DAB2IP: variants seen among roughly 807,000 people sequenced by gnomAD.
DAB2IP encodes the protein DAB2 interacting protein.
DAB2IP carries 28 observed loss-of-function variants against 107.2 expected under a neutral mutation model. The ratio of observed to expected loss-of-function variants is 0.26; its 90% CI spans 0.19 to 0.36. The LOEUF (loss-of-function observed/expected upper bound fraction) is 0.36, where lower values mean the gene tolerates loss of function less well. DAB2IP is among the 10% of genes least tolerant of loss of function. The pLI is 1.00. For missense variants in DAB2IP, 1,400 were observed against 1,644.7 expected, an observed-to-expected ratio of 0.85 and a Z score of 2.57; for synonymous variants, 755 against 706.4, an observed-to-expected ratio of 1.07 and a Z score of -1.09.
intron 1 of DAB2IP, among the ~76,000 whole-genome samples, chr9:121,644,180 A>G (rs914424711): frequency 4.2e-5 from 6 of 144,268 alleles, no homozygotes; most frequent in Admixed American, 1.4e-4. Flanking sequence ...AAAAAAGAAG[A>G]AGAAGAGGAG....
intron 1 of DAB2IP, among the ~76,000 whole-genome samples, chr9:121,661,905 A>C (rs1833222483): frequency 6.6e-6 from 1 of 152,014 alleles, no homozygotes; most frequent in African/African-American, 2.4e-5. Flanking sequence ...TGCCTGGGCC[A>C]AGGACTTCCA....
intron 1 of DAB2IP, among the ~76,000 whole-genome samples, chr9:121,657,049 T>C (rs1832999100): frequency 6.6e-6 from 1 of 152,220 alleles, no homozygotes; most frequent in Non-Finnish European, 1.5e-5. Flanking sequence ...AGTGGCCCCG[T>C]TGGCATCTGG....
chr9:121,768,773 G>A, intron 10 of DAB2IP, 140 bp downstream of exon 10: 1 of 1,044,024 alleles, frequency 9.6e-7, no homozygotes, highest in Non-Finnish European at 1.4e-6. Flanking sequence ...ACACACTGGG[G>A]ATCTGTGGGC....
intron 3 of DAB2IP, among the ~76,000 whole-genome samples, chr9:121,740,593 C>G (rs528617926): frequency 6.6e-6 from 1 of 152,280 alleles, no homozygotes; most frequent in East Asian, 1.9e-4. Flanking sequence ...GAGCTCTAAC[C>G]CTCACCCCCA....
intron 9 of DAB2IP, 76 bp from the exon 10 acceptor site, chr9:121,768,356 G>T: frequency 6.8e-7 from 1 of 1,475,460 alleles, no homozygotes; most frequent in Non-Finnish European, 9.5e-7. Flanking sequence ...AGCGGGTGGT[G>T]GTGTCCCAGT....
chr9:121,725,553 A>G (rs540174905), intron 3 of DAB2IP, among the ~76,000 whole-genome samples: 2 of 152,274 alleles, frequency 1.3e-5, no homozygotes, highest in African/African-American at 4.8e-5. Flanking sequence ...AGTCACGCCA[A>G]TCTCTGCCCT....
chr9:121,750,312 C>A (rs1310153896), intron 3 of DAB2IP, among the ~76,000 whole-genome samples: 1 of 152,086 alleles, frequency 6.6e-6, no homozygotes, highest in Non-Finnish European at 1.5e-5. Context: ...CTGTAGCATT[C>A]ACTTGTGTGC....
chr9:121,612,250 G>A (rs1396218964), intron 1 of DAB2IP, among the ~76,000 whole-genome samples: 2 of 152,068 alleles, frequency 1.3e-5, no homozygotes, highest in African/African-American at 2.4e-5. Context: ...TCCGGGAGGA[G>A]GTTGAGGCTG....
chr9:121,653,715 T>C (rs1193696534), intron 1 of DAB2IP, among the ~76,000 whole-genome samples: 1 of 151,916 alleles, frequency 6.6e-6, no homozygotes, highest in African/African-American at 2.4e-5. Flanking sequence ...TCCCTGACTG[T>C]AATGGGAGTC....
At chr9:121,757,852 C>A (rs367995927) in intron 4 of DAB2IP, among the ~76,000 whole-genome samples, 1 of 152,246 alleles carries the variant, frequency 6.6e-6, no homozygotes, top group East Asian at 1.9e-4. Flanking sequence ...CCCCAATAAT[C>A]ATGCATAACT....
intron 3 of DAB2IP, among the ~76,000 whole-genome samples, chr9:121,733,000 C>A (rs1174610572): frequency 6.6e-6 from 1 of 152,252 alleles, no homozygotes; most frequent in Admixed American, 6.5e-5. Flanking sequence ...ACTGAAACTA[C>A]TTCCTGAGTT....
intron 1 of DAB2IP, among the ~76,000 whole-genome samples, chr9:121,644,394 C>T (rs1589445609): frequency 1.3e-5 from 2 of 152,088 alleles, no homozygotes; most frequent in Admixed American, 1.3e-4. Flanking sequence ...GTCAGGCGTT[C>T]GAGACCAGCC....
At position 121,776,119 on chromosome 9, in the gene DAB2IP, C is replaced by A; in HGVS notation, c.3121-79C>A. Reference sequence around the variant, plus strand: ...CCTTTCAAGTGGGGCTCCCTCCTACCCTTCCTCCCACTCGGGCTGACGAAG... The same window carrying A: ...CCTTTCAAGTGGGGCTCCCTCCTACACTTCCTCCCACTCGGGCTGACGAAG... On this transcript the variant is annotated intron_variant, in intron 13 of 15. Coordinates refer to ENST00000408936, the Ensembl canonical transcript of DAB2IP. The surrounding 1 kb of genome is among the most constrained non-coding windows in gnomAD (Gnocchi z 5.4). The A allele has an allele frequency of 6.6e-7, 1 of 1,503,846 alleles. No individual in the cohort carries two copies. The highest frequency in any genetic ancestry group is 9.0e-7 in the Non-Finnish European group (1 of 1,115,952). The allele number at this position is 1,503,846 out of a possible 1,614,324, so 93.2% of individuals were successfully genotyped here. A position where few individuals can be genotyped will look rare whatever the true frequency, so the allele number is the denominator to read the frequency against.
chr9:121,691,967 T>G (rs1192746416), intron 2 of DAB2IP, among the ~76,000 whole-genome samples: 4 of 151,966 alleles, frequency 2.6e-5, no homozygotes, highest in Non-Finnish European at 2.9e-5. Context: ...GAGCTTTGAG[T>G]GTGAGAGAAG....
upstream of DAB2IP, among the ~76,000 whole-genome samples, chr9:121,651,352 T>C (rs1214960318): frequency 6.6e-6 from 1 of 152,132 alleles, no homozygotes; most frequent in Non-Finnish European, 1.5e-5. This position sits in a 1 kb window ranked among gnomAD's most constrained non-coding sequence, Gnocchi z 5.1. Context: ...CACAAGCAGG[T>C]GTGCACCGTC....
chr9:121,631,450 G>A (rs905161786), intron 1 of DAB2IP, among the ~76,000 whole-genome samples: 8 of 152,170 alleles, frequency 5.3e-5, no homozygotes, highest in African/African-American at 1.9e-4. Context: ...TGGTGCCCAG[G>A]GAGGAGCAGG....
chr9:121,703,607 GCA>G (rs1380315822), intron 3 of DAB2IP, among the ~76,000 whole-genome samples: 2 of 152,144 alleles, frequency 1.3e-5, no homozygotes, highest in Non-Finnish European at 2.9e-5. Context: ...AATACATTTA[GCA>G]CACTTTTCAT....
At chr9:121,578,135 C>G (rs1170289898) in intron 1 of DAB2IP, among the ~76,000 whole-genome samples, 1 of 152,076 alleles carries the variant, frequency 6.6e-6, no homozygotes. Flanking sequence ...GTGGCTGTCC[C>G]CCAAACCCTT....
chr9:121,772,795 C>A lies in DAB2IP; in HGVS notation c.2267C>A (p.Thr756Lys). ...ATGGTGGACCTCCAGGACGCCCGCACGCTGGATGGGGAGGCAGGCTCCCCG... is the reference window on the plus strand; with the variant it reads ...ATGGTGGACCTCCAGGACGCCCGCAAGCTGGATGGGGAGGCAGGCTCCCCG... The change falls in exon 12 of 16, where the codon ACG becomes AAG. Residue 756 changes from threonine to lysine, a missense_variant. This residue lies in a region of DAB2IP where 600 missense variants were observed against 659.1 expected (regional missense o/e 0.91). Coordinates refer to ENST00000408936, the Ensembl canonical transcript of DAB2IP. The surrounding 1 kb of genome is among the most constrained non-coding windows in gnomAD (Gnocchi z 4.7). 1.2e-6 allele frequency: 2 copies of A among 1,612,674 alleles called. No homozygotes were observed. The highest frequency in any genetic ancestry group is 1.7e-6 in the Non-Finnish European group (2 of 1,179,740).
Sources: allele counts gnomAD v4.1 joint callset (sites outside exome capture counted in the v4.1 genomes callset), GRCh38; gene constraint gnomAD v4.1.1; regional missense constraint gnomAD v4.1.1; non-coding constraint Gnocchi (gnomAD v3.1); transcripts MANE v1.5; gene names NCBI Gene and HGNC (gene_info 2026-07-23, HGNC 2026-07-21).